MTMR12: variants seen among roughly 807,000 people sequenced by gnomAD.
MTMR12 encodes the protein myotubularin related protein 12, also known as myotubularin-related protein 12.
A neutral mutation model predicts 96.7 loss-of-function variants in MTMR12; 33 were observed. That is an observed-to-expected ratio of 0.34 (90% CI 0.26 to 0.46). The LOEUF (loss-of-function observed/expected upper bound fraction) is 0.46. Ranked by LOEUF, MTMR12 falls within the 20% of genes least tolerant of loss-of-function variation. The probability of loss-of-function intolerance (pLI) is 1.00; values close to 1 mark genes in which losing one functional copy is unlikely to be tolerated. For synonymous variants in MTMR12, 298 were observed against 327.2 expected, an observed-to-expected ratio of 0.91 and a Z score of 0.96; for missense variants, 721 against 896.1, an observed-to-expected ratio of 0.80 and a Z score of 2.49.
rs145088137 is a variant in MTMR12 at position 32,276,269 on chromosome 5, A to T, written c.142+413T>A. 2.9e-3 allele frequency among the ~76,000 whole-genome samples: 437 copies of T among 152,338 alleles called. 3 individuals are homozygous for T. Among genetic ancestry groups the T allele is most frequent in the African/African-American group, 0.01 (424 of 41,582 alleles). On this transcript the variant is annotated intron_variant, in intron 2 of 15. Transcript: ENST00000382142. The stretch of plus-strand genomic sequence containing the variant: ...CCCCAGTACACGTGCTCACATGCAC[A>T]AGTGGGTATGGACTGAGAGGTAAAG...
At chr5:32,302,820 C>CA (rs1249870192) in intron 1 of MTMR12, among the ~76,000 whole-genome samples, 3 of 151,788 alleles carry the variant, frequency 2.0e-5, no homozygotes, top group African/African-American at 7.3e-5. Flanking sequence ...TGAAAAAAGT[C>CA]AATAACTAAG....
chr5:32,257,223 T>G (rs1056028893), intron 7 of MTMR12, among the ~76,000 whole-genome samples: 6 of 152,160 alleles, frequency 3.9e-5, no homozygotes, highest in Non-Finnish European at 7.4e-5. Context: ...CCCAGCTACT[T>G]GGGAGGATCA....
At chr5:32,270,593 CATT>C (rs1192127610) in intron 5 of MTMR12, among the ~76,000 whole-genome samples, 1 of 152,214 alleles carries the variant, frequency 6.6e-6, no homozygotes, top group East Asian at 1.9e-4. Flanking sequence ...GGAATAAAAA[CATT>C]ATGAATTGAA....
At chr5:32,271,265 G>A (rs1749819832) in intron 4 of MTMR12, among the ~76,000 whole-genome samples, 1 of 152,220 alleles carries the variant, frequency 6.6e-6, no homozygotes, top group South Asian at 2.1e-4. Flanking sequence ...AAAGGGAAAT[G>A]ACTAGAGACA....
At chr5:32,310,377 A>G (rs1368728200) in intron 1 of MTMR12, among the ~76,000 whole-genome samples, 1 of 152,228 alleles carries the variant, frequency 6.6e-6, no homozygotes, top group African/African-American at 2.4e-5. Flanking sequence ...ACTATTCACC[A>G]CAGCCAAGAT....
At chr5:32,274,545 C>T (rs1299204758) in intron 2 of MTMR12, among the ~76,000 whole-genome samples, 1 of 152,158 alleles carries the variant, frequency 6.6e-6, no homozygotes, top group African/African-American at 2.4e-5. Context: ...ACGCAGATCC[C>T]AAGCCCACTT....
chr5:32,307,153 T>A lies in MTMR12; in HGVS notation c.81+5605A>T, dbSNP rs185328631. 2.8e-4 allele frequency among the ~76,000 whole-genome samples: 42 copies of A among 152,314 alleles called. No individual in the cohort carries two copies. In the East Asian group the frequency reaches 7.9e-3, roughly 29 times the overall value. On this transcript the variant is annotated intron_variant, in intron 1 of 15. Coordinates refer to ENST00000382142, the MANE Select transcript of MTMR12 (RefSeq NM_001040446.3). ...ATATATCTGCTTGAAGTGTACAGAA[T>A]ACACTCCGAGTTGTTTATGTTTATA...
chr5:32,294,200 G>C (rs1044337353), intron 1 of MTMR12, among the ~76,000 whole-genome samples: 4 of 152,152 alleles, frequency 2.6e-5, no homozygotes, highest in African/African-American at 9.7e-5. Flanking sequence ...GGTCCTGTGA[G>C]GCTTTCTGTG....
At chr5:32,265,620 A>C (rs1475033176) in intron 6 of MTMR12, among the ~76,000 whole-genome samples, 2 of 152,258 alleles carry the variant, frequency 1.3e-5, no homozygotes, top group South Asian at 2.1e-4. Flanking sequence ...ATATAGTTGC[A>C]GTAAAAATCT....
At chr5:32,238,547 A>G (rs1748331567) in intron 13 of MTMR12, among the ~76,000 whole-genome samples, 1 of 152,170 alleles carries the variant, frequency 6.6e-6, no homozygotes, top group African/African-American at 2.4e-5. Context: ...TCCAAAATCC[A>G]AAACAATTTG....
intron 1 of MTMR12, chr5:32,296,525 C>T (rs548095137): frequency 9.3e-6 from 3 of 322,544 alleles, no homozygotes; most frequent in Non-Finnish European, 2.0e-5. Flanking sequence ...CTGGGCATGG[C>T]GATTTACACT....
At chr5:32,282,333 A>C (rs1750330104) in intron 1 of MTMR12, among the ~76,000 whole-genome samples, 1 of 151,886 alleles carries the variant, frequency 6.6e-6, no homozygotes, top group Non-Finnish European at 1.5e-5. Context: ...AGGCAGGAGA[A>C]TGGCGTGAGC....
At chr5:32,266,415 C>T (rs1285240344) in intron 6 of MTMR12, among the ~76,000 whole-genome samples, 1 of 152,138 alleles carries the variant, frequency 6.6e-6, no homozygotes, top group African/African-American at 2.4e-5. Context: ...AGGCTGGGCA[C>T]GGTGGCTCAT....
Position 32,312,023 on chromosome 5 carries a change from T to C in MTMR12, c.81+735A>G, listed in dbSNP as rs1018274009. 6.6e-6 allele frequency among the ~76,000 whole-genome samples: 1 copy of C among 152,254 alleles called. No homozygotes were observed. Among genetic ancestry groups the C allele is most frequent in the Non-Finnish European group, 1.5e-5 (1 of 68,044 alleles). ...TCCAGGAATGCAGAGATCTCTGTCC[T>C]GTTCACTGATGTCTATCACAAGCAC... On this transcript the variant is annotated intron_variant, in intron 1 of 15. Coordinates refer to ENST00000382142, the MANE Select transcript of MTMR12 (RefSeq NM_001040446.3). This position sits in a 1 kb window ranked among gnomAD's most constrained non-coding sequence, Gnocchi z 5.0.
intron 15 of MTMR12, 90 bp from the exon 16 acceptor site, chr5:32,230,437 T>C: frequency 8.0e-7 from 1 of 1,245,096 alleles, no homozygotes; most frequent in East Asian, 2.3e-5. Flanking sequence ...ATAACCCTGC[T>C]TTAACAAGTT....
At chr5:32,260,237 T>TGA (rs1233502788) in intron 7 of MTMR12, among the ~76,000 whole-genome samples, 1 of 151,250 alleles carries the variant, frequency 6.6e-6, no homozygotes, top group African/African-American at 2.4e-5. Context: ...GAGTGCTTGT[T>TGA]GAGGGCTCTG....
At chr5:32,307,348 TC>T (rs1751401909) in intron 1 of MTMR12, among the ~76,000 whole-genome samples, 1 of 151,928 alleles carries the variant, frequency 6.6e-6, no homozygotes, top group South Asian at 2.1e-4. Flanking sequence ...ACCCAGCAGG[TC>T]CCCCGACAGA....
intron 5 of MTMR12, among the ~76,000 whole-genome samples, chr5:32,269,851 G>A (rs1749765208): frequency 6.6e-6 from 1 of 152,164 alleles, no homozygotes; most frequent in Admixed American, 6.5e-5. Context: ...CTATCACGCT[G>A]TTTCGTGTGA....
intron 13 of MTMR12, among the ~76,000 whole-genome samples, chr5:32,236,659 G>A (rs933724182): frequency 1.6e-4 from 24 of 152,040 alleles, no homozygotes; most frequent in Admixed American, 1.6e-3. Context: ...CCAACATGGT[G>A]AAACCCTGTC....
Sources: gnomAD v4.1 joint callset for allele counts (sites outside exome capture counted in the v4.1 genomes callset) on GRCh38, gnomAD v4.1.1 for gene constraint, Gnocchi (gnomAD v3.1) non-coding constraint, MANE v1.5 for transcripts, NCBI Gene and HGNC (gene_info 2026-07-23, HGNC 2026-07-21) for gene names.